Variants in MRAP2 observed in about 807,000 individuals in gnomAD.
The protein encoded by MRAP2 is melanocortin 2 receptor accessory protein 2.
Under a neutral mutation model 17.4 loss-of-function variants are expected in MRAP2, and 20 were observed. That is an observed-to-expected ratio of 1.15 (90% CI 0.81 to 1.67). The LOEUF (loss-of-function observed/expected upper bound fraction) is 1.67. Among genes scored for constraint, MRAP2 ranks in the 40% most tolerant of loss-of-function variants. MRAP2 has a pLI of 0.00. For synonymous variants in MRAP2, 96 were observed against 88.4 expected (o/e 1.09, Z -0.48); for missense variants, 238 against 240.0 (o/e 0.99, Z 0.05).
At chr6:84,134,224 T>C in the MRAP2 span, among the ~76,000 whole-genome samples, 1 of 152,160 alleles carries the variant, frequency 6.6e-6, no homozygotes, top group Non-Finnish European at 1.5e-5. Flanking sequence ...AGCTTGAGCA[T>C]CCCAGGTCAC....
the MRAP2 span, among the ~76,000 whole-genome samples, chr6:84,099,812 TAATGCA>T: frequency 6.6e-6 from 1 of 152,306 alleles, no homozygotes; most frequent in East Asian, 1.9e-4. Context: ...TCCTTTGTAC[TAATGCA>T]AATGGATTAA....
At chr6:84,073,320 G>C (rs1449932037) in intron 3 of MRAP2, among the ~76,000 whole-genome samples, 2 of 152,076 alleles carry the variant, frequency 1.3e-5, no homozygotes, top group African/African-American at 4.8e-5. Flanking sequence ...CTCCAGGTAT[G>C]GTCAGAAACT....
chr6:84,112,440 A>T, the MRAP2 span, among the ~76,000 whole-genome samples: 1 of 152,114 alleles, frequency 6.6e-6, no homozygotes, highest in Non-Finnish European at 1.5e-5. Flanking sequence ...CTGTGGGATC[A>T]GTGGTGATAT....
Position 84,089,493 on chromosome 6 carries a change from T to C in MRAP2, c.*12T>C. On this transcript the variant is annotated 3_prime_UTR_variant, in exon 4 of 4. Coordinates refer to ENST00000257776, the MANE Select transcript of MRAP2 (RefSeq NM_138409.4). ...AAGACCTGGATTGAGAAACATGCTC[T>C]GTAAAGGGTCTTCCTGAAGATGTGG... 1 of 1,601,798 alleles carries C rather than the reference T, an allele frequency of 6.2e-7. No homozygotes were observed. Among genetic ancestry groups the C allele is most frequent in the South Asian group, 1.1e-5 (1 of 89,574 alleles).
Position 84,089,402 on chromosome 6 carries a change from A to AT in MRAP2, c.540dup (p.Asp181Ter). On this transcript the variant is annotated frameshift_variant, in exon 4 of 4. Coordinates refer to ENST00000257776, the MANE Select transcript of MRAP2 (RefSeq NM_138409.4). LOFTEE classifies it high-confidence loss of function. ...ACAGACCAGAACTACTTTGGGGAGG[A>AT]TGATCTTCTGATTTCTGAACCACCT... The AT allele has an allele frequency of 1.9e-6, 3 of 1,614,140 alleles. No homozygotes were observed. The highest frequency in any genetic ancestry group is 2.5e-6 in the Non-Finnish European group (3 of 1,180,026).
At chr6:84,065,292 A>G (rs1031444086) in intron 3 of MRAP2, among the ~76,000 whole-genome samples, 6 of 152,230 alleles carry the variant, frequency 3.9e-5, no homozygotes, top group Admixed American at 1.3e-4. Context: ...CTCAAAAAAA[A>G]AAAAAATTTA....
intron 1 of MRAP2, among the ~76,000 whole-genome samples, chr6:84,038,160 C>T (rs569336909): frequency 6.6e-6 from 1 of 152,324 alleles, no homozygotes; most frequent in East Asian, 1.9e-4. Flanking sequence ...AAGGGCTGGC[C>T]TAAGGGCGAG....
intron 1 of MRAP2, among the ~76,000 whole-genome samples, chr6:84,048,871 T>C (rs1363188747): frequency 1.3e-5 from 2 of 152,212 alleles, no homozygotes; most frequent in African/African-American, 2.4e-5. Context: ...CTGCTATGCT[T>C]GATTAGCATG....
the MRAP2 span, among the ~76,000 whole-genome samples, chr6:84,113,682 A>G: frequency 6.6e-6 from 1 of 152,142 alleles, no homozygotes; most frequent in Non-Finnish European, 1.5e-5. Flanking sequence ...CATAGTGTCA[A>G]TGGTCTTTAC....
the MRAP2 span, among the ~76,000 whole-genome samples, chr6:84,115,739 G>A: frequency 6.6e-6 from 1 of 152,234 alleles, no homozygotes; most frequent in Non-Finnish European, 1.5e-5. Flanking sequence ...CTGGTCTGCA[G>A]GTCGTGAAGA....
rs73750503 is a variant in MRAP2 at position 84,088,802 on chromosome 6, C to T, written c.228-289C>T. Among the ~76,000 whole-genome samples the T allele has an allele frequency of 4.3e-3, 660 of 152,286 alleles. 4 individuals are homozygous for T. Among genetic ancestry groups the T allele is most frequent in the African/African-American group, 0.015 (630 of 41,536 alleles). On this transcript the variant is annotated intron_variant, in intron 3 of 3. Transcript: ENST00000257776. The stretch of plus-strand genomic sequence containing the variant: ...TGATGCAAATGGTCCAAGAATTCCA[C>T]TGAAAAATACTGGTGTGTCTGCAGA...
At chr6:84,062,344 T>A (rs1254821507) in intron 2 of MRAP2, among the ~76,000 whole-genome samples, 1 of 152,232 alleles carries the variant, frequency 6.6e-6, no homozygotes, top group Non-Finnish European at 1.5e-5. Flanking sequence ...TGCTTCTTTT[T>A]TCTGTACATC....
At chr6:84,134,093 C>T in the MRAP2 span, among the ~76,000 whole-genome samples, 5 of 152,318 alleles carry the variant, frequency 3.3e-5, no homozygotes, top group East Asian at 3.9e-4. Flanking sequence ...CCGGCTATGG[C>T]GGCTTTGCCA....
chr6:84,140,985 T>C, the MRAP2 span, among the ~76,000 whole-genome samples: 2 of 152,188 alleles, frequency 1.3e-5, no homozygotes, highest in Admixed American at 6.5e-5. Flanking sequence ...TTAGATTCTC[T>C]TATATAAGCC....
At position 84,072,599 on chromosome 6, in the gene MRAP2, T is replaced by C. The variant is rs115423367; in HGVS notation, c.227+9607T>C. On this transcript the variant is annotated intron_variant, in intron 3 of 3. Transcript: ENST00000257776. ...TCCAGAGAGCATCAGCTGTGGTAGT[T>C]TGGGGAGGAACAGGTGGTGGGCAGG... Among the ~76,000 whole-genome samples, 1,394 of 152,272 alleles carry C rather than the reference T, an allele frequency of 9.2e-3. 28 individuals carry two copies. The highest frequency in any genetic ancestry group is 0.031 in the African/African-American group (1,284 of 41,550).
chr6:84,133,841 G>A, the MRAP2 span, among the ~76,000 whole-genome samples: 7 of 152,124 alleles, frequency 4.6e-5, no homozygotes, highest in Admixed American at 6.5e-5. Flanking sequence ...GCCCTGCTTC[G>A]GCTCACACTC....
intron 1 of MRAP2, among the ~76,000 whole-genome samples, chr6:84,046,970 A>T (rs1296761349): frequency 6.6e-6 from 1 of 151,580 alleles, no homozygotes; most frequent in Non-Finnish European, 1.5e-5. Flanking sequence ...CTTGAAAGGG[A>T]ATCCCCACAG....
chr6:84,041,267 C>T (rs2099487494), intron 1 of MRAP2, among the ~76,000 whole-genome samples: 1 of 152,234 alleles, frequency 6.6e-6, no homozygotes, highest in Non-Finnish European at 1.5e-5. Flanking sequence ...GTTTGGGAAC[C>T]TCCACCTAGA....
chr6:84,120,269 CCTTA>C, the MRAP2 span, among the ~76,000 whole-genome samples: 2 of 152,166 alleles, frequency 1.3e-5, no homozygotes, highest in African/African-American at 4.8e-5. Context: ...GATGGATCTT[CCTTA>C]CTTGGTCTAC....
Sources: gnomAD v4.1 joint callset for allele counts (sites outside exome capture counted in the v4.1 genomes callset) on GRCh38, gnomAD v4.1.1 for gene constraint, MANE v1.5 for transcripts, NCBI Gene and HGNC (gene_info 2026-07-23, HGNC 2026-07-21) for gene names.